LINC00305: variants seen among roughly 807,000 people sequenced by gnomAD.
LINC00305 encodes long intergenic non-protein coding RNA 305.
intron 1 of LINC00305, among the ~76,000 whole-genome samples, chr18:64,100,514 T>C (rs1035620990): frequency 6.6e-6 from 1 of 152,200 alleles, no homozygotes; most frequent in Admixed American, 6.5e-5. Flanking sequence ...CTTCACTGGT[T>C]ATTTGTGGAA....
At chr18:64,102,063 C>T (rs893609500) in intron 1 of LINC00305, among the ~76,000 whole-genome samples, 3 of 152,136 alleles carry the variant, frequency 2.0e-5, no homozygotes, top group African/African-American at 7.2e-5. Context: ...TTTCACAAAC[C>T]GACAACATCA....
chr18:64,098,531 T>C (rs995681382), intron 2 of LINC00305: 6 of 436,274 alleles, frequency 1.4e-5, no homozygotes, highest in Non-Finnish European at 2.7e-5. Context: ...TTAATTTTTT[T>C]CTTAGGTTTG....
intron 1 of LINC00305, among the ~76,000 whole-genome samples, chr18:64,112,232 T>C (rs1365793840): frequency 2.0e-5 from 3 of 151,956 alleles, no homozygotes. Context: ...GAAATATGGA[T>C]TGAAAATGGA....
At chr18:64,144,300 T>G (rs754290498) in intron 1 of LINC00305, among the ~76,000 whole-genome samples, 11 of 152,128 alleles carry the variant, frequency 7.2e-5, no homozygotes, top group African/African-American at 1.9e-4. Context: ...CCCTTAAAGA[T>G]GTTCACATCC....
chr18:64,133,584 T>G (rs1487141798), intron 1 of LINC00305, among the ~76,000 whole-genome samples: 1 of 152,216 alleles, frequency 6.6e-6, no homozygotes, highest in Non-Finnish European at 1.5e-5. Context: ...CTTTCTACTC[T>G]GACCTCCAAC....
intron 1 of LINC00305, among the ~76,000 whole-genome samples, chr18:64,116,750 A>G (rs952611274): frequency 1.3e-5 from 2 of 152,182 alleles, no homozygotes; most frequent in Non-Finnish European, 2.9e-5. Flanking sequence ...TTACAAAATT[A>G]TTGCAATCTT....
intron 1 of LINC00305, among the ~76,000 whole-genome samples, chr18:64,137,659 CTG>C (rs1444148147): frequency 6.6e-6 from 1 of 152,118 alleles, no homozygotes; most frequent in Non-Finnish European, 1.5e-5. Context: ...CTTTGCAAAG[CTG>C]TCTTTGGAGT....
intron 3 of LINC00305, among the ~76,000 whole-genome samples, chr18:64,089,141 T>C (rs1344867254): frequency 1.3e-5 from 2 of 152,130 alleles, no homozygotes; most frequent in African/African-American, 4.8e-5. Flanking sequence ...TGAATTTTAA[T>C]CCCCAGAGGT....
At chr18:64,123,945 C>A (rs544068373) in intron 1 of LINC00305, among the ~76,000 whole-genome samples, 1 of 152,196 alleles carries the variant, frequency 6.6e-6, no homozygotes, top group South Asian at 2.1e-4. Flanking sequence ...TCTCTCACCA[C>A]GTAATCTCTT....
At chr18:64,127,207 C>T (rs1241190555) in intron 1 of LINC00305, among the ~76,000 whole-genome samples, 2 of 152,028 alleles carry the variant, frequency 1.3e-5, no homozygotes, top group African/African-American at 4.8e-5. Flanking sequence ...TCCCTTGTCA[C>T]TGCTATATTA....
chr18:64,113,988 G>A (rs2051326346), intron 1 of LINC00305, among the ~76,000 whole-genome samples: 1 of 152,184 alleles, frequency 6.6e-6, no homozygotes, highest in Non-Finnish European at 1.5e-5. Context: ...GAAAGAAAAT[G>A]GCTGGGCGCG....
intron 1 of LINC00305, among the ~76,000 whole-genome samples, chr18:64,107,671 C>T (rs993166556): frequency 3.3e-5 from 5 of 152,102 alleles, no homozygotes; most frequent in African/African-American, 1.2e-4. Context: ...ACTCATTCTT[C>T]GTGACATCGG....
In LINC00305 at chr18:64,126,723, G is replaced by A. The variant is rs1022778017; in HGVS notation, n.314+22052C>T. 2.6e-5 allele frequency among the ~76,000 whole-genome samples: 4 copies of A among 152,092 alleles called. No individual in the cohort carries two copies. In the East Asian group the frequency reaches 5.8e-4, roughly 22 times the overall value. On this transcript the variant is annotated intron_variant and non_coding_transcript_variant, in intron 1 of 3. Coordinates refer to ENST00000666468, the Ensembl canonical transcript of LINC00305. Reference sequence around the variant, plus strand: ...AGTGGTGATCAAAGCGTGTCCAGCTGTAGTTTCATGTTGCTTACAGACTTT... The same window carrying A: ...AGTGGTGATCAAAGCGTGTCCAGCTATAGTTTCATGTTGCTTACAGACTTT...
intron 1 of LINC00305, among the ~76,000 whole-genome samples, chr18:64,108,698 C>T (rs1386213210): frequency 3.9e-5 from 6 of 152,190 alleles, no homozygotes; most frequent in African/African-American, 1.4e-4. Context: ...AAAGTCACAT[C>T]CACAATCTGA....
chr18:64,117,354 G>T (rs1004105870), intron 1 of LINC00305, among the ~76,000 whole-genome samples: 4 of 152,136 alleles, frequency 2.6e-5, no homozygotes, highest in South Asian at 4.1e-4. Flanking sequence ...GTAATGTATT[G>T]TTATCTCTGC....
At chr18:64,123,683 C>T (rs1439798739) in intron 1 of LINC00305, among the ~76,000 whole-genome samples, 1 of 151,946 alleles carries the variant, frequency 6.6e-6, no homozygotes, top group Non-Finnish European at 1.5e-5. Context: ...CATTCAGGGT[C>T]CATGTGCTAT....
chr18:64,141,470 G>A (rs998414178), intron 1 of LINC00305, among the ~76,000 whole-genome samples: 57 of 152,066 alleles, frequency 3.7e-4, no homozygotes, highest in African/African-American at 1.3e-3. Flanking sequence ...AAAGATAATC[G>A]TTGTAGAAAA....
intron 3 of LINC00305, among the ~76,000 whole-genome samples, chr18:64,082,006 A>C (rs1041001951): frequency 2.6e-5 from 4 of 152,302 alleles, no homozygotes; most frequent in Admixed American, 2.6e-4. Context: ...GGTCCTTTGA[A>C]ACAAATGTGA....
chr18:64,112,981 T>C (rs1458952840), intron 1 of LINC00305, among the ~76,000 whole-genome samples: 1 of 152,232 alleles, frequency 6.6e-6, no homozygotes, highest in Admixed American at 6.5e-5. Context: ...ATCATGACAA[T>C]TTCTTATATT....
Sources: gnomAD v4.1 joint callset for allele counts (sites outside exome capture counted in the v4.1 genomes callset) on GRCh38, gnomAD v4.1.1 for gene constraint, MANE v1.5 for transcripts, NCBI Gene and HGNC (gene_info 2026-07-23, HGNC 2026-07-21) for gene names.